The following TRIP12 variants were observed in gnomAD, a reference collection of about 807,000 sequenced individuals.
TRIP12 encodes the protein E3 ubiquitin-protein ligase TRIP12.
In TRIP12, 25 loss-of-function variants were observed where a neutral mutation model predicts 244.2. That is an observed-to-expected ratio of 0.10 (90% confidence interval 0.07 to 0.14). The LOEUF (loss-of-function observed/expected upper bound fraction) is 0.14. Ranked by LOEUF, TRIP12 falls within the 10% of genes least tolerant of loss-of-function variation. The pLI is 1.00. For missense variants in TRIP12, 1,677 were observed against 2,486.4 expected, an observed-to-expected ratio of 0.67 and a Z score of 6.92; for synonymous variants, 905 against 873.1, an observed-to-expected ratio of 1.04 and a Z score of -0.64.
chr2:229,824,264 A>C (rs960393932), intron 8 of TRIP12, among the ~76,000 whole-genome samples: 4 of 152,236 alleles, frequency 2.6e-5, no homozygotes, highest in African/African-American at 9.6e-5. Context: ...ATAACTAAAA[A>C]AAGTTAATAT....
chr2:229,770,110 A>G (rs2033662072), intron 39 of TRIP12, among the ~76,000 whole-genome samples: 1 of 152,120 alleles, frequency 6.6e-6, no homozygotes, highest in Non-Finnish European at 1.5e-5. Flanking sequence ...AGCTGAGACT[A>G]CAGGTGCATA....
chr2:229,892,115 A>G (rs2154362603), intron 1 of TRIP12, among the ~76,000 whole-genome samples: 1 of 152,324 alleles, frequency 6.6e-6, no homozygotes, highest in Non-Finnish European at 1.5e-5. Context: ...GCTCACCTCA[A>G]TTGGAAAGAG....
Position 229,768,732 on chromosome 2 carries a change from T to C in TRIP12, c.5904-13A>G, listed in dbSNP as rs2032899159. 1 of 1,589,634 alleles carries C rather than the reference T, an allele frequency of 6.3e-7. No individual in the cohort carries two copies. Among genetic ancestry groups the C allele is most frequent in the African/African-American group, 1.4e-5 (1 of 73,230 alleles). On this transcript the variant is annotated splice_polypyrimidine_tract_variant and intron_variant, in intron 40 of 41. Coordinates refer to ENST00000675903, the MANE Select transcript of TRIP12 (RefSeq NM_001348323.3). Reference sequence around the variant, plus strand: ...CTTCACAGCCCGACTATAACAGAAATAAATATACCAAAATTATTTCATCAG... The same window carrying C: ...CTTCACAGCCCGACTATAACAGAAACAAATATACCAAAATTATTTCATCAG...
At chr2:229,882,153 T>C (rs576909951) in intron 1 of TRIP12, among the ~76,000 whole-genome samples, 1 of 152,278 alleles carries the variant, frequency 6.6e-6, no homozygotes, top group South Asian at 2.1e-4. Context: ...GTTGTGAAGA[T>C]CAAATGATAA....
At position 229,810,883 on chromosome 2, in the gene TRIP12, G is replaced by T; in HGVS notation, c.2218C>A (p.Gln740Lys). Residue 740 changes from glutamine (Q) to lysine (K), a missense_variant, in exon 15 of 42, where the codon CAA (glutamine) becomes AAA (lysine). Physicochemically the swap from Gln to Lys is moderately conservative, Grantham distance 53. Around this residue, in one of 11 missense-constraint regions of TRIP12, gnomAD observed 572 missense variants for 867.8 expected, o/e 0.66. Coordinates refer to ENST00000675903, the MANE Select transcript of TRIP12 (RefSeq NM_001348323.3). ...AGAACAGTAAATTTGCACTTACTTTGTTTCATAAGTTGAACAGCTAAAGTT... is the reference window on the plus strand; with the variant it reads ...AGAACAGTAAATTTGCACTTACTTTTTTTCATAAGTTGAACAGCTAAAGTT... ...CPTLAVQLMK[Q>K]NIAETLHFLL... 1 of 1,612,838 alleles carries T rather than the reference G, an allele frequency of 6.2e-7. No homozygotes were observed. The highest frequency in any genetic ancestry group is 8.5e-7 in the Non-Finnish European group (1 of 1,179,630).
chr2:229,902,897 C>T (rs921604458), intron 1 of TRIP12, among the ~76,000 whole-genome samples: 4 of 152,118 alleles, frequency 2.6e-5, no homozygotes, highest in African/African-American at 4.8e-5. Flanking sequence ...ACAGTGCTGA[C>T]ACACAGTAGG....
At chr2:229,803,766 A>G in intron 19 of TRIP12, 77 bp from the exon 20 acceptor site, 1 of 1,080,684 alleles carries the variant, frequency 9.3e-7, no homozygotes, top group Non-Finnish European at 1.4e-6. Context: ...CTTTAAATTG[A>G]GAGCAAAGCA....
intron 18 of TRIP12, among the ~76,000 whole-genome samples, chr2:229,804,640 C>T (rs918826916): frequency 1.3e-5 from 2 of 152,188 alleles, no homozygotes; most frequent in Non-Finnish European, 2.9e-5. Flanking sequence ...AATTCTACCA[C>T]TTTGCTTAGT....
chr2:229,838,989 G>A (rs1276726337), intron 5 of TRIP12, among the ~76,000 whole-genome samples: 3 of 152,280 alleles, frequency 2.0e-5, no homozygotes, highest in South Asian at 4.1e-4. Flanking sequence ...GTGGGAAAAC[G>A]TAAGCTAAAA....
intron 1 of TRIP12, among the ~76,000 whole-genome samples, chr2:229,920,902 G>A (rs1235257869): frequency 6.6e-6 from 1 of 152,188 alleles, no homozygotes; most frequent in Admixed American, 6.5e-5. Context: ...GAAGGAAGGA[G>A]AGGGGCTGAA....
intron 1 of TRIP12, among the ~76,000 whole-genome samples, chr2:229,918,210 A>G (rs778934120): frequency 6.6e-6 from 1 of 152,188 alleles, no homozygotes; most frequent in Non-Finnish European, 1.5e-5. Context: ...TTTATCTTCT[A>G]TGTTTTTCTG....
rs559611569 is a variant in TRIP12, at chr2:229,766,791, T to A, written c.*763A>T. On this transcript the variant is annotated 3_prime_UTR_variant, in exon 42 of 42. Transcript: ENST00000675903. ...ATTCCAGAGGCTGTTGCTGCTGGAA[T>A]TGCCATGTAAACAGTCCTTAGTGTG... The A allele has an allele frequency of 6.6e-6, 1 of 152,296 alleles. No homozygotes were observed. The highest frequency in any genetic ancestry group is 2.1e-4 in the South Asian group (1 of 4,826). 9.4% of individuals were successfully genotyped at this position (152,296 alleles called of 1,614,324 possible). A position where few individuals can be genotyped will look rare whatever the true frequency, so the allele number is the denominator to read the frequency against.
At chr2:229,822,882 A>G (rs527473353) in intron 8 of TRIP12, among the ~76,000 whole-genome samples, 1 of 152,346 alleles carries the variant, frequency 6.6e-6, no homozygotes, top group Non-Finnish European at 1.5e-5. Flanking sequence ...AAAGAGAATC[A>G]AAAAACTATT....
intron 8 of TRIP12, among the ~76,000 whole-genome samples, chr2:229,827,959 A>C (rs1015679914): frequency 1.3e-5 from 2 of 152,184 alleles, no homozygotes; most frequent in Non-Finnish European, 2.9e-5. Flanking sequence ...CTAAATGATA[A>C]AAGTATGGTT....
chr2:229,797,898 G>C, intron 23 of TRIP12, 67 bp from the exon 24 acceptor site: 1 of 1,469,610 alleles, frequency 6.8e-7, no homozygotes, highest in Non-Finnish European at 9.2e-7. Flanking sequence ...TTCTGATCAA[G>C]GCAAATAGCT....
intron 38 of TRIP12, among the ~76,000 whole-genome samples, chr2:229,772,464 G>GTTA (rs1022941959): frequency 1.3e-5 from 2 of 152,048 alleles, no homozygotes; most frequent in African/African-American, 2.4e-5. Context: ...GGGGACTCTG[G>GTTA]TTATTATTAT....
chr2:229,799,555 T>A (rs898691350), intron 21 of TRIP12, among the ~76,000 whole-genome samples, 172 bp from the exon 22 acceptor site: 2 of 152,134 alleles, frequency 1.3e-5, no homozygotes, highest in African/African-American at 2.4e-5. Context: ...GGCGGGCAGA[T>A]CACGAGGTCA....
chr2:229,804,755 A>T (rs1203849004), intron 18 of TRIP12, among the ~76,000 whole-genome samples: 4 of 152,198 alleles, frequency 2.6e-5, no homozygotes, highest in Non-Finnish European at 1.5e-5. Context: ...CGGTTTTTGT[A>T]AATATAATTT....
At chr2:229,896,321 A>G (rs1237621473) in intron 1 of TRIP12, among the ~76,000 whole-genome samples, 1 of 152,076 alleles carries the variant, frequency 6.6e-6, no homozygotes, top group East Asian at 1.9e-4. Context: ...GCAGGCAGAG[A>G]CTAGAATCAT....
Sources: allele counts gnomAD v4.1 joint callset (sites outside exome capture counted in the v4.1 genomes callset), GRCh38; gene constraint gnomAD v4.1.1; regional missense constraint gnomAD v4.1.1; transcripts MANE v1.5; gene names NCBI Gene and HGNC (gene_info 2026-07-23, HGNC 2026-07-21).